EPC1: variants seen among roughly 807,000 people sequenced by gnomAD.
EPC1 encodes enhancer of polycomb homolog 1.
In EPC1, 12 loss-of-function variants were observed where a neutral mutation model predicts 98.4. That is an observed-to-expected ratio of 0.12 (90% CI 0.08 to 0.20). EPC1 has a LOEUF of 0.20. Among genes scored for constraint, EPC1 ranks in the 10% least tolerant of loss-of-function variants. The pLI is 1.00. For missense variants in EPC1, 729 were observed against 990.5 expected, an observed-to-expected ratio of 0.74 and a Z score of 3.54; for synonymous variants, 357 against 363.9, an observed-to-expected ratio of 0.98 and a Z score of 0.21.
chr10:32,343,645 A>G (rs563132572), intron 1 of EPC1, among the ~76,000 whole-genome samples: 1 of 150,718 alleles, frequency 6.6e-6, no homozygotes, highest in Non-Finnish European at 1.5e-5. Flanking sequence ...TACTACTACA[A>G]TTAAAAAAAT....
intron 1 of EPC1, among the ~76,000 whole-genome samples, chr10:32,312,884 A>C (rs1264260552): frequency 6.6e-6 from 1 of 152,218 alleles, no homozygotes; most frequent in Non-Finnish European, 1.5e-5. Flanking sequence ...AAACAAAATA[A>C]ATTAGGAAAT....
rs1564524346 is a variant in EPC1 at position 32,284,969 on chromosome 10, A to C, written c.1473T>G (p.His491Gln). Reference sequence around the variant, plus strand: ...TATTGGCAAACTGATTGACTGGAGAATGTTGTGGTGAGGAAAGCATTTCCA... The same window carrying C: ...TATTGGCAAACTGATTGACTGGAGACTGTTGTGGTGAGGAAAGCATTTCCA... ...LDLEMLSSPQ[H>Q]SPVNQFANTS... The change falls in exon 10 of 14, where the codon CAT becomes CAG. Residue 491 changes from histidine to glutamine, a missense_variant. Physicochemically the swap from His to Gln is conservative, Grantham distance 24. Around this residue, in one of 6 missense-constraint regions of EPC1, gnomAD observed 390 missense variants for 438.6 expected, o/e 0.89. Transcript: ENST00000319778. 1 of 1,614,216 alleles carries C rather than the reference A, an allele frequency of 6.2e-7. No homozygotes were observed. The highest frequency in any genetic ancestry group is 8.5e-7 in the Non-Finnish European group (1 of 1,180,038).
Position 32,347,071 on chromosome 10 carries a change from G to C in EPC1, c.-156C>G. Reference sequence around the variant, plus strand: ...GTCCGGGCACTAACACCAGCCGGGAGGGTGGGAGGCTGTGCCGCTCCGCTC... The same window carrying C: ...GTCCGGGCACTAACACCAGCCGGGACGGTGGGAGGCTGTGCCGCTCCGCTC... On this transcript the variant is annotated 5_prime_UTR_variant, in exon 1 of 14. Transcript: ENST00000319778. 2.1e-6 allele frequency: 3 copies of C among 1,455,132 alleles called. 1 individual carries two copies. In the South Asian group the frequency reaches 4.2e-5, roughly 20 times the overall value. 90.1% of individuals were successfully genotyped at this position (1,455,132 alleles called of 1,614,324 possible).
At chr10:32,304,465 C>A (rs2479362) in intron 2 of EPC1, among the ~76,000 whole-genome samples, 1 of 152,158 alleles carries the variant, frequency 6.6e-6, no homozygotes, top group African/African-American at 2.4e-5. Flanking sequence ...ATCTATCACA[C>A]TTGTTTATAA....
At chr10:32,312,353 G>C (rs1836287911) in intron 1 of EPC1, among the ~76,000 whole-genome samples, 1 of 152,132 alleles carries the variant, frequency 6.6e-6, no homozygotes, top group Admixed American at 6.5e-5. Flanking sequence ...TTAATGACAT[G>C]CACAAACCAT....
intron 1 of EPC1, among the ~76,000 whole-genome samples, chr10:32,337,811 C>T (rs1008961546): frequency 6.6e-6 from 1 of 152,126 alleles, no homozygotes; most frequent in Non-Finnish European, 1.5e-5. Flanking sequence ...TCTTCTACTC[C>T]AGCTGGGCTT....
At chr10:32,320,888 T>C (rs1261610041) in intron 1 of EPC1, among the ~76,000 whole-genome samples, 2 of 138,288 alleles carry the variant, frequency 1.4e-5, no homozygotes, top group Non-Finnish European at 3.1e-5. Flanking sequence ...CACCCGGCTT[T>C]TGACCACTGT....
chr10:32,351,792 G>A (rs983154598), upstream of EPC1, among the ~76,000 whole-genome samples: 9 of 149,122 alleles, frequency 6.0e-5, no homozygotes, highest in Non-Finnish European at 8.9e-5. Context: ...GTGCAGTGGC[G>A]TGATCTCGGC....
rs1186212337 is a variant in EPC1 at position 32,267,840 on chromosome 10, G to A, written c.*1223C>T. ...TGGGATTAAAAACCTTAAGGATAATGTATGCCATTGGACTGGGCATTCAGA... is the reference window on the plus strand; with the variant it reads ...TGGGATTAAAAACCTTAAGGATAATATATGCCATTGGACTGGGCATTCAGA... On this transcript the variant is annotated 3_prime_UTR_variant, in exon 14 of 14. Transcript: ENST00000319778. 6.6e-6 allele frequency: 1 copy of A among 152,212 alleles called. No homozygotes were observed. The highest frequency in any genetic ancestry group is 1.5e-5 in the Non-Finnish European group (1 of 68,044). The allele number at this position is 152,212 out of a possible 1,614,324, so 9.4% of individuals were successfully genotyped here.
chr10:32,333,208 C>T (rs559765157), intron 1 of EPC1, among the ~76,000 whole-genome samples: 1 of 152,230 alleles, frequency 6.6e-6, no homozygotes, highest in Admixed American at 6.5e-5. Flanking sequence ...GGCATGGTGG[C>T]GTGCGCCTGT....
At chr10:32,302,064 G>T (rs1448764112) in intron 2 of EPC1, among the ~76,000 whole-genome samples, 1 of 150,518 alleles carries the variant, frequency 6.6e-6, no homozygotes, top group African/African-American at 2.4e-5. Flanking sequence ...ACGAGGTCAG[G>T]AGATCGAGAC....
Position 32,347,049 on chromosome 10 carries a change from C to T in EPC1, c.-134G>A. 1.4e-6 allele frequency: 2 copies of T among 1,467,338 alleles called. No homozygotes were observed. Among genetic ancestry groups the T allele is most frequent in the African/African-American group, 1.4e-5 (1 of 70,940 alleles). The allele number at this position is 1,467,338 out of a possible 1,614,324, so 90.9% of individuals were successfully genotyped here. The stretch of plus-strand genomic sequence containing the variant: ...GGGGCGGAGCGCAGAGCCCGCCGTC[C>T]GGGCACTAACACCAGCCGGGAGGGT... On this transcript the variant is annotated 5_prime_UTR_variant, in exon 1 of 14. Transcript: ENST00000319778.
intron 1 of EPC1, among the ~76,000 whole-genome samples, chr10:32,368,582 A>G (rs914249649): frequency 1.3e-5 from 2 of 152,170 alleles, no homozygotes; most frequent in Non-Finnish European, 2.9e-5. Context: ...TGTAGTAGAA[A>G]TTCAATAAAG....
intron 1 of EPC1, among the ~76,000 whole-genome samples, chr10:32,318,907 TC>T (rs1836716776): frequency 6.6e-6 from 1 of 152,190 alleles, no homozygotes; most frequent in Admixed American, 6.5e-5. Flanking sequence ...TTTATTTGCC[TC>T]CCTGGTGAAA....
At chr10:32,331,816 G>A (rs1021331927) in intron 1 of EPC1, among the ~76,000 whole-genome samples, 5 of 152,188 alleles carry the variant, frequency 3.3e-5, no homozygotes, top group African/African-American at 4.8e-5. Context: ...AAGTCAACAT[G>A]ATGTACAAGT....
chr10:32,328,701 A>C (rs1837453864), intron 1 of EPC1, among the ~76,000 whole-genome samples: 1 of 152,176 alleles, frequency 6.6e-6, no homozygotes, highest in African/African-American at 2.4e-5. Context: ...CTCCATATCT[A>C]GGGTAAGCCA....
chr10:32,368,318 C>CTG (rs1378510707), intron 1 of EPC1, among the ~76,000 whole-genome samples: 4 of 152,220 alleles, frequency 2.6e-5, no homozygotes, highest in African/African-American at 9.6e-5. Flanking sequence ...GGACCTGTCT[C>CTG]TCCCAGTGTC....
chr10:32,346,953 G>T lies in EPC1; in HGVS notation c.-38C>A. On this transcript the variant is annotated 5_prime_UTR_variant, in exon 1 of 14. Coordinates refer to ENST00000319778, the MANE Select transcript of EPC1 (RefSeq NM_001272004.3). The stretch of plus-strand genomic sequence containing the variant: ...AGATACCTCTCCGCTCTGGGGAAAC[G>T]GCCCCGGCCAGCGGGATCATGGAGA... The T allele has an allele frequency of 1.2e-6, 2 of 1,606,844 alleles. No homozygotes were observed. Among genetic ancestry groups the T allele is most frequent in the Non-Finnish European group, 1.7e-6 (2 of 1,179,208 alleles).
At chr10:32,293,235 T>TA in intron 3 of EPC1, 41 bp from the exon 4 acceptor site, 2 of 1,416,268 alleles carry the variant, frequency 1.4e-6, no homozygotes, top group African/African-American at 2.8e-5. Flanking sequence ...ACAATACACA[T>TA]ACAAGGTTCA....
Sources: gnomAD v4.1 joint callset for allele counts (sites outside exome capture counted in the v4.1 genomes callset) on GRCh38, gnomAD v4.1.1 for gene constraint, gnomAD v4.1.1 regional missense constraint, MANE v1.5 for transcripts, NCBI Gene and HGNC (gene_info 2026-07-23, HGNC 2026-07-21) for gene names.